The following WASL variants were observed in gnomAD, a reference collection of about 807,000 sequenced individuals.
WASL encodes the protein actin nucleation-promoting factor WASL.
In WASL, 20 loss-of-function variants were observed where a neutral mutation model predicts 55.5. The ratio of observed to expected loss-of-function variants is 0.36; its 90% confidence interval spans 0.25 to 0.52. The LOEUF is 0.52. Ranked by LOEUF, WASL falls within the 20% of genes least tolerant of loss-of-function variation. The pLI, the probability that WASL is intolerant of heterozygous loss-of-function variation, is 0.92. For missense variants in WASL, 504 were observed against 622.5 expected, an observed-to-expected ratio of 0.81 and a Z score of 2.03; for synonymous variants, 249 against 217.6, an observed-to-expected ratio of 1.14 and a Z score of -1.27.
At chr7:123,734,101 G>C (rs759728046) in intron 1 of WASL, among the ~76,000 whole-genome samples, 66 of 151,956 alleles carry the variant, frequency 4.3e-4, no homozygotes, top group Non-Finnish European at 8.8e-4. Flanking sequence ...CCAAAAACAT[G>C]ATCAATCCAT....
chr7:123,747,469 G>T (rs1335572324), intron 1 of WASL, among the ~76,000 whole-genome samples: 1 of 152,216 alleles, frequency 6.6e-6, no homozygotes, highest in African/African-American at 2.4e-5. Flanking sequence ...GGACTCCTAT[G>T]AAGTTAACAA....
chr7:123,696,155 C>T (rs752165007), intron 6 of WASL, among the ~76,000 whole-genome samples: 6 of 151,844 alleles, frequency 4.0e-5, no homozygotes, highest in South Asian at 2.1e-4. Flanking sequence ...ATATATATGA[C>T]GGGATAAGGG....
At chr7:123,686,804 C>G (rs1317518151) in intron 10 of WASL, among the ~76,000 whole-genome samples, 8 of 152,054 alleles carry the variant, frequency 5.3e-5, no homozygotes, top group Admixed American at 5.2e-4. Flanking sequence ...GGCAGTTTAC[C>G]TCATCTGTGA....
Position 123,712,388 on chromosome 7 carries a change from GATA to G in WASL, c.118-3168_118-3166del, listed in dbSNP as rs1266138085. On this transcript the variant is annotated intron_variant, in intron 1 of 10. Coordinates refer to ENST00000223023, the MANE Select transcript of WASL (RefSeq NM_003941.4). ...GTTAAAAACTACATGTTCTGATTTT[GATA>G]ATGATACTACAATAATAACAGAATG... Among the ~76,000 whole-genome samples the G allele has an allele frequency of 2.6e-5, 4 of 152,066 alleles. No individual in the cohort carries two copies. In the East Asian group the frequency reaches 7.7e-4, roughly 29 times the overall value.
rs1803212063 is a variant in WASL, at chr7:123,682,476, T to G, written c.*2043A>C. 1 of 152,138 alleles carries G rather than the reference T, an allele frequency of 6.6e-6. No individual in the cohort carries two copies. The highest frequency in any genetic ancestry group is 1.5e-5 in the Non-Finnish European group (1 of 68,004). The allele number at this position is 152,138 out of a possible 1,614,324, so 9.4% of individuals were successfully genotyped here. A position where few individuals can be genotyped will look rare whatever the true frequency, so the allele number is the denominator to read the frequency against. ...TATCCATTTTACATGTTTAAAATTG[T>G]GCTTTGAACTCGAAGAATGGGTACT... On this transcript the variant is annotated 3_prime_UTR_variant, in exon 11 of 11. Transcript: ENST00000223023.
In WASL at chr7:123,689,253, C is replaced by T. The variant is rs1474722378; in HGVS notation, c.1348-103G>A. On this transcript the variant is annotated intron_variant, in intron 9 of 10. Transcript: ENST00000223023. ...TAGAATCACTTCTTATTGTAAAAGA[C>T]AAAAAAGATATCAAACTGGCAAGCG... 5 of 891,916 alleles carry T rather than the reference C, an allele frequency of 5.6e-6. No individual in the cohort carries two copies. The African/African-American group carries it at 6.7e-5, about 12-fold the overall frequency. 55.3% of individuals were successfully genotyped at this position (891,916 alleles called of 1,614,324 possible).
intron 8 of WASL, among the ~76,000 whole-genome samples, 163 bp downstream of exon 8, chr7:123,694,552 T>C (rs878898136): frequency 1.3e-5 from 2 of 152,208 alleles, no homozygotes; most frequent in South Asian, 4.1e-4. Context: ...TTAGTTATAA[T>C]GAAATAATGT....
intron 1 of WASL, among the ~76,000 whole-genome samples, chr7:123,714,074 G>T (rs1055074749): frequency 1.4e-4 from 22 of 152,166 alleles, no homozygotes; most frequent in Admixed American, 2.0e-4. Flanking sequence ...GAAATGCAAA[G>T]AATTTGGTTG....
rs1331379989 is a variant in WASL at position 123,716,738 on chromosome 7, T to C, written c.118-7515A>G. On this transcript the variant is annotated intron_variant, in intron 1 of 10. Transcript: ENST00000223023. Reference sequence around the variant, plus strand: ...TTTTAACTTTGCTACTACTCTTCTGTGGGAACAGTTTGGGATGAGAGGGTG... The same window carrying C: ...TTTTAACTTTGCTACTACTCTTCTGCGGGAACAGTTTGGGATGAGAGGGTG... Among the ~76,000 whole-genome samples the C allele has an allele frequency of 5.9e-5, 9 of 152,148 alleles. No individual in the cohort carries two copies. The East Asian group carries it at 1.7e-3, about 29-fold the overall frequency.
rs1340149986 is a variant in WASL, at chr7:123,689,166, T to C, written c.1348-16A>G. Reference sequence around the variant, plus strand: ...CATCAGCCACCTTGGAAAAGAAAGTTAGCAAAACTCAGTAATAAATCTTTA... The same window carrying C: ...CATCAGCCACCTTGGAAAAGAAAGTCAGCAAAACTCAGTAATAAATCTTTA... On this transcript the variant is annotated splice_polypyrimidine_tract_variant and intron_variant, in intron 9 of 10. Transcript: ENST00000223023. 1.2e-6 allele frequency: 2 copies of C among 1,602,524 alleles called. No individual in the cohort carries two copies. Among genetic ancestry groups the C allele is most frequent in the Non-Finnish European group, 1.7e-6 (2 of 1,170,252 alleles).
At chr7:123,691,375 C>G (rs1269568043) in intron 9 of WASL, among the ~76,000 whole-genome samples, 2 of 152,074 alleles carry the variant, frequency 1.3e-5, no homozygotes, top group African/African-American at 4.8e-5. Flanking sequence ...GGGCCAAATC[C>G]AGCCTGTTCT....
chr7:123,742,833 T>C (rs916828087), intron 1 of WASL, among the ~76,000 whole-genome samples: 5 of 152,188 alleles, frequency 3.3e-5, no homozygotes, highest in Admixed American at 2.0e-4. Context: ...ATGAAATAAT[T>C]CAGGATTATC....
At chr7:123,706,451 G>A (rs1803670575) in intron 3 of WASL, 78 bp from the exon 4 acceptor site, 1 of 1,339,124 alleles carries the variant, frequency 7.5e-7, no homozygotes. Flanking sequence ...ATGAGGAAAA[G>A]AAGTATATTT....
chr7:123,723,347 T>C (rs1803985250), intron 1 of WASL, among the ~76,000 whole-genome samples: 1 of 152,134 alleles, frequency 6.6e-6, no homozygotes, highest in Admixed American at 6.6e-5. Context: ...AAAGATAACA[T>C]TCACACCTTT....
rs557958386 is a variant in WASL at position 123,683,286 on chromosome 7, T to C, written c.*1233A>G. On this transcript the variant is annotated 3_prime_UTR_variant, in exon 11 of 11. Coordinates refer to ENST00000223023, the MANE Select transcript of WASL (RefSeq NM_003941.4). ...ATGAAACAACCACCTTTAGGCAGAT[T>C]AGTGTAGTGTAGAGAGGCAAAGAAA... 2 of 152,012 alleles carry C rather than the reference T, an allele frequency of 1.3e-5. No individual in the cohort carries two copies. Among genetic ancestry groups the C allele is most frequent in the Non-Finnish European group, 2.9e-5 (2 of 67,936 alleles). 9.4% of individuals were successfully genotyped at this position (152,012 alleles called of 1,614,324 possible).
At chr7:123,736,935 T>A (rs1023299621) in intron 1 of WASL, among the ~76,000 whole-genome samples, 17 of 152,176 alleles carry the variant, frequency 1.1e-4, no homozygotes, top group Admixed American at 7.2e-4. Context: ...ATGAGAGACT[T>A]ACTCTTATCA....
At chr7:123,686,787 A>G (rs1018838826) in intron 10 of WASL, among the ~76,000 whole-genome samples, 4 of 152,174 alleles carry the variant, frequency 2.6e-5, no homozygotes, top group Admixed American at 6.5e-5. Flanking sequence ...ATGACATAAA[A>G]AATTCAGGCA....
intron 1 of WASL, among the ~76,000 whole-genome samples, chr7:123,725,021 G>T (rs1201647882): frequency 6.6e-6 from 1 of 152,038 alleles, no homozygotes; most frequent in African/African-American, 2.4e-5. Context: ...CCCAATAGAA[G>T]GAAGTAGTGA....
chr7:123,712,933 T>C (rs1429125663), intron 1 of WASL, among the ~76,000 whole-genome samples: 1 of 152,190 alleles, frequency 6.6e-6, no homozygotes, highest in African/African-American at 2.4e-5. Context: ...ATAAGAATTT[T>C]AGATCAGGAA....
Sources: gnomAD v4.1 joint callset for allele counts (sites outside exome capture counted in the v4.1 genomes callset) on GRCh38, gnomAD v4.1.1 for gene constraint, MANE v1.5 for transcripts, NCBI Gene and HGNC (gene_info 2026-07-23, HGNC 2026-07-21) for gene names.